The following TAFA2 variants were observed in gnomAD, a reference collection of about 807,000 sequenced individuals.
TAFA2 encodes the protein TAFA chemokine like family member 2.
In TAFA2, 7 loss-of-function variants were observed where a neutral mutation model predicts 18.8. That is an observed-to-expected ratio of 0.37 (90% CI 0.21 to 0.70). The LOEUF is 0.70. TAFA2 is among the 30% of genes least tolerant of loss of function. The pLI, the probability that TAFA2 is intolerant of heterozygous loss-of-function variation, is 0.53. For missense variants in TAFA2, 122 were observed against 158.1 expected (o/e 0.77, Z 1.23); for synonymous variants, 60 against 54.2 (o/e 1.11, Z -0.47).
intron 2 of TAFA2, among the ~76,000 whole-genome samples, chr12:61,862,788 A>G (rs1343450356): frequency 1.3e-5 from 2 of 152,170 alleles, no homozygotes; most frequent in Non-Finnish European, 2.9e-5. Flanking sequence ...CTCTACTGGA[A>G]ACTTTAGATC....
At chr12:61,820,123 C>T (rs896526168) in intron 2 of TAFA2, among the ~76,000 whole-genome samples, 8 of 152,004 alleles carry the variant, frequency 5.3e-5, no homozygotes, top group South Asian at 2.1e-4. Flanking sequence ...TTGTCCCACC[C>T]CAACAGTTAC....
chr12:61,817,959 A>G (rs1328721932), intron 2 of TAFA2, among the ~76,000 whole-genome samples: 1 of 152,022 alleles, frequency 6.6e-6, no homozygotes, highest in African/African-American at 2.4e-5. Context: ...CCTTGCTTCC[A>G]TCATCCTTCA....
intron 1 of TAFA2, among the ~76,000 whole-genome samples, chr12:62,231,705 A>C (rs1246728069): frequency 6.6e-6 from 1 of 152,184 alleles, no homozygotes; most frequent in Admixed American, 6.5e-5. Flanking sequence ...AAACAGAATA[A>C]ATTTAAGTTT....
chr12:62,063,635 A>G (rs348657), intron 1 of TAFA2, among the ~76,000 whole-genome samples: 99,743 of 151,952 alleles, frequency 0.66, 33,993 homozygotes, highest in Middle Eastern at 0.79. Context: ...CCATTTGCAC[A>G]ATGAATGCTA....
intron 1 of TAFA2, among the ~76,000 whole-genome samples, chr12:62,176,093 CCAT>C (rs1321823666): frequency 1.3e-5 from 2 of 152,064 alleles, no homozygotes; most frequent in Non-Finnish European, 2.9e-5. Flanking sequence ...TCATATTACA[CCAT>C]CATATTACCA....
intron 1 of TAFA2, among the ~76,000 whole-genome samples, chr12:61,993,096 C>G (rs916162958): frequency 6.6e-6 from 1 of 152,168 alleles, no homozygotes; most frequent in Non-Finnish European, 1.5e-5. Flanking sequence ...AGAGGCTGTC[C>G]TCTTTTCATT....
At chr12:62,150,995 C>CA (rs111883560) in intron 1 of TAFA2, among the ~76,000 whole-genome samples, 9,060 of 122,012 alleles carry the variant, frequency 0.074, 327 homozygotes, top group South Asian at 0.12. Context: ...AAGGCCTTGT[C>CA]AAAAAAAAAA....
chr12:61,804,974 C>G (rs1871550356), intron 2 of TAFA2, among the ~76,000 whole-genome samples: 1 of 151,824 alleles, frequency 6.6e-6, no homozygotes, highest in Non-Finnish European at 1.5e-5. Flanking sequence ...ATCAAACATA[C>G]TCTAAAACAG....
chr12:62,215,642 A>G (rs2062731525), intron 1 of TAFA2, among the ~76,000 whole-genome samples: 1 of 102,018 alleles, frequency 9.8e-6, no homozygotes, highest in Admixed American at 9.1e-5. Context: ...AAAAAAAAAA[A>G]ACAAGAGGAA....
intron 1 of TAFA2, among the ~76,000 whole-genome samples, chr12:62,008,263 T>G (rs563638670): frequency 5.6e-4 from 85 of 152,314 alleles, no homozygotes; most frequent in African/African-American, 2.0e-3. Flanking sequence ...TGTCATTTCC[T>G]TTTGATCATG....
intron 1 of TAFA2, among the ~76,000 whole-genome samples, chr12:62,029,706 T>C (rs1391898640): frequency 1.3e-5 from 2 of 152,008 alleles, no homozygotes; most frequent in African/African-American, 4.8e-5. Context: ...ATTAGTTAAG[T>C]ACAGGTCAAG....
intron 1 of TAFA2, among the ~76,000 whole-genome samples, chr12:62,054,611 GA>G (rs1882139738): frequency 6.6e-6 from 1 of 152,162 alleles, no homozygotes; most frequent in African/African-American, 2.4e-5. Context: ...CATAAACTTT[GA>G]ATAAAAATGG....
chr12:62,113,061 G>C (rs9668369), intron 1 of TAFA2, among the ~76,000 whole-genome samples: 34,119 of 151,944 alleles, frequency 0.22, 4,207 homozygotes, highest in East Asian at 0.37. Context: ...GGAGAAGAGG[G>C]ATTCTGTTTT....
intron 1 of TAFA2, among the ~76,000 whole-genome samples, chr12:62,222,682 T>TA (rs1001025890): frequency 5.3e-5 from 8 of 150,956 alleles, no homozygotes; most frequent in African/African-American, 1.9e-4. Context: ...AATTTTTTTT[T>TA]TTTTTTTATT....
rs566048925 is a variant in TAFA2, at chr12:61,816,633, C to T, written c.106+50687G>A. 8.6e-5 allele frequency among the ~76,000 whole-genome samples: 13 copies of T among 151,414 alleles called. 2 individuals carry two copies. Among genetic ancestry groups the T allele is most frequent in the African/African-American group, 2.5e-4 (10 of 40,746 alleles). On this transcript the variant is annotated intron_variant, in intron 2 of 4. Coordinates refer to ENST00000416284, the MANE Select transcript of TAFA2 (RefSeq NM_178539.5). The stretch of plus-strand genomic sequence containing the variant: ...ACAATGGTTGAACTAATTTACACTC[C>T]CACCAACAGTATTTAAGCGTTCCTA...
At chr12:61,962,952 A>G (rs945472091) in intron 1 of TAFA2, among the ~76,000 whole-genome samples, 9 of 151,892 alleles carry the variant, frequency 5.9e-5, no homozygotes, top group Non-Finnish European at 1.0e-4. Context: ...TCCAACTCTC[A>G]CTTATGAATG....
At chr12:61,909,742 GT>G (rs1876521100) in intron 1 of TAFA2, among the ~76,000 whole-genome samples, 1 of 152,110 alleles carries the variant, frequency 6.6e-6, no homozygotes, top group African/African-American at 2.4e-5. Flanking sequence ...AAGGCCTCTA[GT>G]TTTTCCACAA....
intron 1 of TAFA2, among the ~76,000 whole-genome samples, chr12:62,223,566 A>G (rs1428732678): frequency 6.6e-6 from 1 of 152,242 alleles, no homozygotes; most frequent in East Asian, 1.9e-4. Context: ...TTTACCCAAC[A>G]CTACATACAA....
At chr12:61,961,847 C>T (rs1001235429) in intron 1 of TAFA2, among the ~76,000 whole-genome samples, 6 of 151,928 alleles carry the variant, frequency 3.9e-5, no homozygotes, top group Non-Finnish European at 5.9e-5. Context: ...GCAAGATTTC[C>T]GAAATTCATT....
Sources: gnomAD v4.1 joint callset for allele counts (sites outside exome capture counted in the v4.1 genomes callset) on GRCh38, gnomAD v4.1.1 for gene constraint, MANE v1.5 for transcripts, NCBI Gene and HGNC (gene_info 2026-07-23, HGNC 2026-07-21) for gene names.